The following MAST4 variants were observed in gnomAD, a reference collection of about 807,000 sequenced individuals.
The protein encoded by MAST4 is microtubule-associated serine/threonine-protein kinase 4.
A neutral mutation model predicts 162.7 loss-of-function variants in MAST4; 89 were observed. The ratio of observed to expected loss-of-function variants is 0.55; its 90% CI spans 0.46 to 0.65. MAST4 has a LOEUF of 0.65. MAST4 is among the 30% of genes least tolerant of loss of function. The pLI, the probability that MAST4 is intolerant of heterozygous loss-of-function variation, is 0.00. For synonymous variants in MAST4, 1,479 were observed against 1,361.1 expected, an observed-to-expected ratio of 1.09 and a Z score of -1.91; for missense variants, 3,153 against 3,374.0, an observed-to-expected ratio of 0.93 and a Z score of 1.62.
intron 3 of MAST4, among the ~76,000 whole-genome samples, chr5:66,871,015 G>A (rs866022002): frequency 3.3e-5 from 5 of 152,160 alleles, no homozygotes; most frequent in Non-Finnish European, 5.9e-5. Flanking sequence ...GACCATACAC[G>A]TCAGTGGTGT....
intron 1 of MAST4, among the ~76,000 whole-genome samples, chr5:66,724,119 T>A (rs1025597443): frequency 2.0e-5 from 3 of 152,328 alleles, no homozygotes; most frequent in Non-Finnish European, 1.5e-5. Context: ...ACATGCTGAT[T>A]GCATGTTGGC....
At chr5:66,778,452 C>G (rs1754703872) in intron 2 of MAST4, among the ~76,000 whole-genome samples, 1 of 152,060 alleles carries the variant, frequency 6.6e-6, no homozygotes, top group Non-Finnish European at 1.5e-5. Flanking sequence ...TTACAGCTTA[C>G]CAAGCTTTAT....
At chr5:66,653,836 T>C (rs1326365277) in intron 1 of MAST4, among the ~76,000 whole-genome samples, 1 of 152,214 alleles carries the variant, frequency 6.6e-6, no homozygotes, top group African/African-American at 2.4e-5. Context: ...CTTTTGACAG[T>C]GTGCATTTTT....
chr5:66,733,267 A>G (rs1027241686), intron 1 of MAST4, among the ~76,000 whole-genome samples: 2 of 151,604 alleles, frequency 1.3e-5, no homozygotes, highest in Non-Finnish European at 2.9e-5. Flanking sequence ...TCCTCTGACT[A>G]TTCCTCTCCC....
intron 5 of MAST4, among the ~76,000 whole-genome samples, chr5:67,082,749 G>C (rs1322173611): frequency 6.6e-6 from 1 of 152,048 alleles, no homozygotes; most frequent in Admixed American, 6.5e-5. Flanking sequence ...AGAGTTATAA[G>C]ACCATGTTTC....
intron 24 of MAST4, 76 bp downstream of exon 24, chr5:67,149,665 C>G (rs1234330476): frequency 7.1e-7 from 1 of 1,408,926 alleles, no homozygotes; most frequent in Non-Finnish European, 9.9e-7. Flanking sequence ...ATTTGGAATG[C>G]TGAATGAGAT....
At chr5:67,049,973 C>G (rs1460302914) in intron 4 of MAST4, among the ~76,000 whole-genome samples, 1 of 152,132 alleles carries the variant, frequency 6.6e-6, no homozygotes. Flanking sequence ...GAAACTTTTA[C>G]AGGTCCCACC....
Position 67,167,153 on chromosome 5 carries a change from C to A in MAST4, c.*102C>A. On this transcript the variant is annotated 3_prime_UTR_variant, in exon 29 of 29. Coordinates refer to ENST00000403625, the MANE Select transcript of MAST4 (RefSeq NM_001164664.2). ...GCACTGTGTGGGAATGTCCGCCAGG[C>A]AGAGCTCGGAGCCTCATTGAGACAG... 1 of 1,041,240 alleles carries A rather than the reference C, an allele frequency of 9.6e-7. No homozygotes were observed. Among genetic ancestry groups the A allele is most frequent in the East Asian group, 2.8e-5 (1 of 35,996 alleles). 64.5% of individuals were successfully genotyped at this position (1,041,240 alleles called of 1,614,324 possible). A position where few individuals can be genotyped will look rare whatever the true frequency, so the allele number is the denominator to read the frequency against.
intron 4 of MAST4, among the ~76,000 whole-genome samples, chr5:66,950,409 AAC>A (rs1328126789): frequency 6.6e-6 from 1 of 152,030 alleles, no homozygotes; most frequent in Non-Finnish European, 1.5e-5. Flanking sequence ...TTTTCCATTA[AAC>A]ACTAGCTTCC....
chr5:66,951,178 G>A (rs372369549), intron 4 of MAST4, among the ~76,000 whole-genome samples: 44 of 152,258 alleles, frequency 2.9e-4, no homozygotes, highest in African/African-American at 9.1e-4. Context: ...GCATTAAATC[G>A]AAGACATTAT....
At chr5:66,908,714 T>C (rs555565039) in intron 4 of MAST4, among the ~76,000 whole-genome samples, 7 of 152,306 alleles carry the variant, frequency 4.6e-5, no homozygotes, top group African/African-American at 1.7e-4. Flanking sequence ...GAGAGGCAGA[T>C]GTCTGTGCTG....
chr5:66,755,025 A>G (rs1455741327), intron 1 of MAST4, among the ~76,000 whole-genome samples: 1 of 152,054 alleles, frequency 6.6e-6, no homozygotes, highest in African/African-American at 2.4e-5. Flanking sequence ...GACTAGAGAG[A>G]AGGACTCCAG....
intron 3 of MAST4, among the ~76,000 whole-genome samples, chr5:66,806,110 A>C (rs26385): frequency 6.6e-6 from 1 of 152,032 alleles, no homozygotes; most frequent in African/African-American, 2.4e-5. Flanking sequence ...TCCCTGAACT[A>C]TCTCTACCCT....
intron 10 of MAST4, among the ~76,000 whole-genome samples, chr5:67,105,976 A>AT (rs373119625): frequency 2.4e-4 from 36 of 152,224 alleles, no homozygotes; most frequent in African/African-American, 8.7e-4. Context: ...CATCCTCCTT[A>AT]TTGTCATATC....
Position 66,840,892 on chromosome 5 carries a change from AC to A in MAST4, c.642+52101del, listed in dbSNP as rs371276305. On this transcript the variant is annotated intron_variant, in intron 3 of 28. Coordinates refer to ENST00000403625, the MANE Select transcript of MAST4 (RefSeq NM_001164664.2). Reference sequence around the variant, plus strand: ...CCACTAAGTTTCGTAATGAGTTGTTACCCAGCTTTATGATGACAAAGATGAC... The same window carrying A: ...CCACTAAGTTTCGTAATGAGTTGTTACCAGCTTTATGATGACAAAGATGAC... Among the ~76,000 whole-genome samples the A allele has an allele frequency of 4.9e-4, 75 of 152,276 alleles. 2 individuals carry two copies. In the East Asian group the frequency reaches 0.014, roughly 28 times the overall value.
intron 27 of MAST4, among the ~76,000 whole-genome samples, chr5:67,162,346 G>A (rs907497702): frequency 1.3e-5 from 2 of 152,142 alleles, no homozygotes; most frequent in African/African-American, 4.8e-5. Context: ...TATTTTTAAT[G>A]CATTTTATAT....
chr5:66,771,998 T>G lies in MAST4; in HGVS notation c.517+12136T>G, dbSNP rs571442850. Among the ~76,000 whole-genome samples the G allele has an allele frequency of 3.3e-5, 5 of 152,308 alleles. No homozygotes were observed. The East Asian group carries it at 9.6e-4, about 29-fold the overall frequency. Reference sequence around the variant, plus strand: ...ATCCATGCTCATCTTCTCAGTTCCTTATATGTGTAGCCCCTCAGAGATGAA... The same window carrying G: ...ATCCATGCTCATCTTCTCAGTTCCTGATATGTGTAGCCCCTCAGAGATGAA... On this transcript the variant is annotated intron_variant, in intron 2 of 28. Coordinates refer to ENST00000403625, the MANE Select transcript of MAST4 (RefSeq NM_001164664.2).
chr5:66,859,672 G>T (rs1445230802), intron 3 of MAST4, among the ~76,000 whole-genome samples: 1 of 152,180 alleles, frequency 6.6e-6, no homozygotes, highest in Non-Finnish European at 1.5e-5. Context: ...GAGGAAGCTG[G>T]GTGAAGGCTT....
intron 3 of MAST4, among the ~76,000 whole-genome samples, chr5:66,824,210 G>A (rs952522582): frequency 2.6e-5 from 4 of 152,136 alleles, no homozygotes; most frequent in African/African-American, 9.7e-5. Flanking sequence ...CACACTTAAC[G>A]CAAGAAGATG....
Sources: gnomAD v4.1 joint callset for allele counts (sites outside exome capture counted in the v4.1 genomes callset) on GRCh38, gnomAD v4.1.1 for gene constraint, MANE v1.5 for transcripts, NCBI Gene and HGNC (gene_info 2026-07-23, HGNC 2026-07-21) for gene names.